DPP8: variants seen among roughly 807,000 people sequenced by gnomAD.
DPP8 encodes the protein dipeptidyl peptidase 8.
Under a neutral mutation model 107.5 loss-of-function variants are expected in DPP8, and 31 were observed. The ratio of observed to expected loss-of-function variants is 0.29; its 90% confidence interval spans 0.22 to 0.39. The LOEUF is 0.39. Ranked by LOEUF, DPP8 falls within the 10% of genes least tolerant of loss-of-function variation. The probability of loss-of-function intolerance (pLI) is 1.00; values close to 1 mark genes in which losing one functional copy is unlikely to be tolerated. For missense variants in DPP8, 842 were observed against 1,076.1 expected (o/e 0.78, Z 3.04); for synonymous variants, 381 against 356.6 (o/e 1.07, Z -0.77).
In DPP8 at chr15:65,512,597, G is replaced by A. The variant is rs187280235; in HGVS notation, c.-11-33C>T. On this transcript the variant is annotated intron_variant, in intron 1 of 19. Coordinates refer to ENST00000300141, the MANE Select transcript of DPP8 (RefSeq NM_130434.5). ...AACAAGGCACATGAAGCTGTTCACGGGTCTATCTTCTATTATCAGAATGAT... is the reference window on the plus strand; with the variant it reads ...AACAAGGCACATGAAGCTGTTCACGAGTCTATCTTCTATTATCAGAATGAT... 259 of 1,610,104 alleles carry A rather than the reference G, an allele frequency of 1.6e-4. No homozygotes were observed. In the African/African-American group the frequency reaches 3.2e-3, roughly 20 times the overall value.
intron 5 of DPP8, among the ~76,000 whole-genome samples, chr15:65,493,706 A>C (rs1437843563): frequency 2.0e-5 from 3 of 152,168 alleles, no homozygotes; most frequent in Non-Finnish European, 4.4e-5. Flanking sequence ...ATAGACTTCC[A>C]TTATTATTTA....
rs11310623 is a variant in DPP8 at position 65,470,195 on chromosome 15, CAAAAAAAAA to C, written c.1537-2981_1537-2973del. On this transcript the variant is annotated intron_variant, in intron 12 of 19. Transcript: ENST00000300141. Reference sequence around the variant, plus strand: ...GTGCAACAGAGTGAGACTCTTGTCTCAAAAAAAAAAAAAAAAAAAAAAAAAGAAAGAAAA... The same window carrying C: ...GTGCAACAGAGTGAGACTCTTGTCTCAAAAAAAAAAAAAAAAGAAAGAAAA... Among the ~76,000 whole-genome samples the C allele has an allele frequency of 1.0e-4, 6 of 58,502 alleles. No individual in the cohort carries two copies. The East Asian group carries it at 2.0e-3, about 20-fold the overall frequency. The allele number at this position is 58,502 out of a possible 152,430, so 38.4% of individuals were successfully genotyped here.
intron 7 of DPP8, among the ~76,000 whole-genome samples, chr15:65,487,153 C>CT (rs201589433): frequency 4.1e-4 from 61 of 147,118 alleles, no homozygotes; most frequent in South Asian, 6.4e-4. Flanking sequence ...AAGACACCTT[C>CT]TTTTTTTTTT....
At chr15:65,461,436 A>C (rs570900329) in intron 15 of DPP8, among the ~76,000 whole-genome samples, 1 of 152,228 alleles carries the variant, frequency 6.6e-6, no homozygotes, top group Non-Finnish European at 1.5e-5. Flanking sequence ...CACCCAGCCT[A>C]ATCTTTAAAA....
chr15:65,470,499 A>AG (rs2065783349), intron 12 of DPP8, among the ~76,000 whole-genome samples: 2 of 149,710 alleles, frequency 1.3e-5, no homozygotes, highest in Non-Finnish European at 1.5e-5. Flanking sequence ...CCAGCTAGTC[A>AG]GGGGGCTGAG....
chr15:65,460,785 C>T (rs144664828), intron 15 of DPP8, among the ~76,000 whole-genome samples: 66 of 152,324 alleles, frequency 4.3e-4, no homozygotes, highest in African/African-American at 1.4e-3. Context: ...GCTGCTATGG[C>T]TATGGCTGTA....
At chr15:65,470,090 G>A (rs72739491) in intron 12 of DPP8, among the ~76,000 whole-genome samples, 3 of 147,970 alleles carry the variant, frequency 2.0e-5, no homozygotes, top group Non-Finnish European at 4.4e-5. Context: ...CCAGCGACTC[G>A]AGACTTAAGC....
Position 65,517,643 on chromosome 15 carries a change from G to A in DPP8, c.-169C>T, listed in dbSNP as rs980687951. The A allele has an allele frequency of 1.0e-4, 16 of 152,576 alleles. No homozygotes were observed. The highest frequency in any genetic ancestry group is 2.2e-4 in the Non-Finnish European group (15 of 68,302). The allele number at this position is 152,576 out of a possible 1,614,324, so 9.5% of individuals were successfully genotyped here. A position where few individuals can be genotyped will look rare whatever the true frequency, so the allele number is the denominator to read the frequency against. On this transcript the variant is annotated 5_prime_UTR_variant, in exon 1 of 20. Coordinates refer to ENST00000300141, the MANE Select transcript of DPP8 (RefSeq NM_130434.5). ...GCGGCGAACGCGGCACTAAGAAGCA[G>A]CGGCGGCAGTAGCAGCGGCCTTGGC... is the stretch of plus-strand genomic sequence containing the variant.
Position 65,497,692 on chromosome 15 carries a change from T to C in DPP8, c.715+172A>G, listed in dbSNP as rs187459129. Among the ~76,000 whole-genome samples the C allele has an allele frequency of 5.3e-4, 80 of 152,334 alleles. 2 individuals carry two copies. Among genetic ancestry groups the C allele is most frequent in the Admixed American group, 4.8e-3 (73 of 15,280 alleles). Reference sequence around the variant, plus strand: ...AACATTAAAATGAATATTATACATGTGGTACATACAAGTTATCCTCTGTAC... The same window carrying C: ...AACATTAAAATGAATATTATACATGCGGTACATACAAGTTATCCTCTGTAC... On this transcript the variant is annotated intron_variant, in intron 5 of 19. Transcript: ENST00000300141.
intron 14 of DPP8, among the ~76,000 whole-genome samples, chr15:65,465,233 T>G (rs1438539962): frequency 6.6e-6 from 1 of 150,698 alleles, no homozygotes; most frequent in Non-Finnish European, 1.5e-5. Flanking sequence ...AGTGGTGTGA[T>G]CTTGGCTTAC....
chr15:65,478,827 C>T, intron 11 of DPP8, 53 bp downstream of exon 11: 1 of 1,311,488 alleles, frequency 7.6e-7, no homozygotes, highest in Non-Finnish European at 1.1e-6. Context: ...CTGTCCCTCC[C>T]ACCTTCTGCT....
At chr15:65,456,202 A>G in intron 16 of DPP8, 23 bp downstream of exon 16, 2 of 1,598,490 alleles carry the variant, frequency 1.3e-6, no homozygotes, top group Non-Finnish European at 1.7e-6. Flanking sequence ...TCTGTAAAAG[A>G]AAAGTGTTTT....
rs1049458038 is a variant in DPP8 at position 65,498,004 on chromosome 15, T to C, written c.575A>G (p.Glu192Gly). The C allele has an allele frequency of 1.9e-6, 3 of 1,607,716 alleles. No individual in the cohort carries two copies. The highest frequency in any genetic ancestry group is 2.6e-6 in the Non-Finnish European group (3 of 1,176,246). The change falls in exon 5 of 20, where the codon GAA (glutamate) becomes GGA (glycine). Residue 192 changes from glutamate to glycine, a missense_variant. Physicochemically the swap from Glu to Gly is moderately conservative, Grantham distance 98. Transcript: ENST00000300141. ...TQQPLRPNLV[E>G]TSCPNIRMDP... The stretch of plus-strand genomic sequence containing the variant: ...CATCCGTATGTTGGGACAACTAGTT[T>C]CCACTAGATTGGGCCTTAAAGGTTG...
intron 15 of DPP8, among the ~76,000 whole-genome samples, chr15:65,463,356 T>C (rs140792572): frequency 1.3e-5 from 2 of 152,234 alleles, no homozygotes; most frequent in Non-Finnish European, 2.9e-5. Context: ...CTGACCAACA[T>C]GGTGAAATCC....
chr15:65,451,566 A>T (rs1308106375), intron 18 of DPP8, among the ~76,000 whole-genome samples: 1 of 152,188 alleles, frequency 6.6e-6, no homozygotes, highest in African/African-American at 2.4e-5. Context: ...TCAGTATTTG[A>T]ATTTTTCATT....
rs1425288900 is a variant in DPP8, at chr15:65,485,129, C to T, written c.987G>A (p.Met329Ile). 6.2e-7 allele frequency: 1 copy of T among 1,610,490 alleles called. No individual in the cohort carries two copies. The highest frequency in any genetic ancestry group is 1.7e-5 in the Admixed American group (1 of 59,984). The change falls in exon 8 of 20, where the codon ATG (methionine) becomes ATA (isoleucine). Residue 329 changes from methionine (M) to isoleucine (I), a missense_variant. This residue lies in a region of DPP8 where 663 missense variants were observed against 758.0 expected (regional missense o/e 0.87). Coordinates refer to ENST00000300141, the MANE Select transcript of DPP8 (RefSeq NM_130434.5). ...GTANPKVTFK[M>I]SEIMIDAEGR... Reference sequence around the variant, plus strand: ...CTTCAGCATCAATCATTATTTCTGACATCTTAAAAGTGACTTTAGGATTTG... The same window carrying T: ...CTTCAGCATCAATCATTATTTCTGATATCTTAAAAGTGACTTTAGGATTTG...
At position 65,467,178 on chromosome 15, in the gene DPP8, T is replaced by TGAAG; in HGVS notation, c.1581_1582insCTTC (p.Lys528LeufsTer26). On this transcript the variant is annotated frameshift_variant, in exon 13 of 20. Coordinates refer to ENST00000300141, the MANE Select transcript of DPP8 (RefSeq NM_130434.5). LOFTEE classifies it high-confidence loss of function. ...AGGTGATGCTCTAAAGGGGAGTCTTTGGTGCCTTCAAAATATACCAGCCTT... is the reference window on the plus strand; with the variant it reads ...AGGTGATGCTCTAAAGGGGAGTCTTTGAAGGGTGCCTTCAAAATATACCAGCCTT... 1 of 1,614,204 alleles carries TGAAG rather than the reference T, an allele frequency of 6.2e-7. No individual in the cohort carries two copies. The highest frequency in any genetic ancestry group is 8.5e-7 in the Non-Finnish European group (1 of 1,180,036).
At chr15:65,448,890 A>ATGTGTG (rs2063735481) in intron 19 of DPP8, among the ~76,000 whole-genome samples, 1 of 64,764 alleles carries the variant, frequency 1.5e-5, no homozygotes, top group Non-Finnish European at 3.1e-5. Context: ...ATATATATAT[A>ATGTGTG]TATATATATA....
chr15:65,509,634 G>A (rs2070498790), intron 2 of DPP8, among the ~76,000 whole-genome samples: 1 of 152,196 alleles, frequency 6.6e-6, no homozygotes. Flanking sequence ...AAATGCTAAT[G>A]TAACGAAATG....
Sources: gnomAD v4.1 joint callset for allele counts (sites outside exome capture counted in the v4.1 genomes callset) on GRCh38, gnomAD v4.1.1 for gene constraint, gnomAD v4.1.1 regional missense constraint, MANE v1.5 for transcripts, NCBI Gene and HGNC (gene_info 2026-07-23, HGNC 2026-07-21) for gene names.